The following SYNE2 variants were observed in gnomAD, a reference collection of about 807,000 sequenced individuals.
The protein encoded by SYNE2 is spectrin repeat containing nuclear envelope protein 2.
SYNE2 carries 431 observed loss-of-function variants against 856.3 expected under a neutral mutation model. The observed-to-expected ratio is 0.50, with a 90% CI of 0.47 to 0.55. The LOEUF (loss-of-function observed/expected upper bound fraction) is 0.55. Ranked by LOEUF, SYNE2 falls within the 20% of genes least tolerant of loss-of-function variation. The pLI is 0.00. For synonymous variants in SYNE2, 2,923 were observed against 2,872.3 expected, an observed-to-expected ratio of 1.02 and a Z score of -0.56; for missense variants, 8,129 against 8,023.2, an observed-to-expected ratio of 1.01 and a Z score of -0.50.
At chr14:63,888,479 A>C (rs1385962130) in intron 1 of SYNE2, among the ~76,000 whole-genome samples, 1 of 151,664 alleles carries the variant, frequency 6.6e-6, no homozygotes, top group Non-Finnish European at 1.5e-5. Context: ...CACCATTCCT[A>C]CCCTCCTGGA....
chr14:64,078,662 T>A, intron 55 of SYNE2, 56 bp downstream of exon 55: 1 of 1,599,384 alleles, frequency 6.3e-7, no homozygotes, highest in Non-Finnish European at 8.5e-7. Context: ...CACTCCTGCC[T>A]TGTTCATCAG....
chr14:63,807,819 T>TTATATATATATATATATATATATATA (rs71120288), intron 1 of SYNE2, among the ~76,000 whole-genome samples: 1 of 25,478 alleles, frequency 3.9e-5, no homozygotes, highest in African/African-American at 9.6e-5. Context: ...TACTCCAGGC[T>TTATATATATATATATATATATATATA]TATATATATA....
Position 64,078,527 on chromosome 14 carries a change from T to C in SYNE2, c.11084T>C (p.Ile3695Thr), listed in dbSNP as rs774045803. ...GCAATGAGGAGAAAAATAGAAGAAA[T>C]TAACAATGGGCTTCATAATGTTGAA... ...SYAMRRKIEE[I>T]NNGLHNVEKM... Residue 3695 changes from isoleucine to threonine, a missense_variant, in exon 55 of 116, where the codon ATT becomes ACT. This residue lies in a region of SYNE2 where 5,410 missense variants were observed against 5,284.8 expected (regional missense o/e 1.02). Transcript: ENST00000555002. The C allele has an allele frequency of 5.6e-6, 9 of 1,613,954 alleles. No homozygotes were observed. In the Admixed American group the frequency reaches 1.5e-4, roughly 27 times the overall value.
chr14:63,883,685 C>G (rs2094917325), intron 1 of SYNE2, among the ~76,000 whole-genome samples: 1 of 152,184 alleles, frequency 6.6e-6, no homozygotes, highest in Non-Finnish European at 1.5e-5. Context: ...GAGGAAATGC[C>G]TGTAAATCAA....
chr14:63,889,210 TATA>T (rs1436739234), intron 1 of SYNE2, among the ~76,000 whole-genome samples: 2 of 151,792 alleles, frequency 1.3e-5, no homozygotes, highest in African/African-American at 4.8e-5. Flanking sequence ...CCTCTTTTAT[TATA>T]GTACAAAAAT....
chr14:63,942,448 G>A (rs900527948), intron 6 of SYNE2, among the ~76,000 whole-genome samples: 2 of 152,068 alleles, frequency 1.3e-5, no homozygotes, highest in East Asian at 1.9e-4. Flanking sequence ...CCTCCTGAGT[G>A]GTTGGGACTA....
Position 64,087,846 on chromosome 14 carries a change from G to A in SYNE2, c.11660G>A (p.Arg3887Gln), listed in dbSNP as rs181798411. The A allele has an allele frequency of 2.4e-5, 39 of 1,613,990 alleles. No homozygotes were observed. The highest frequency in any genetic ancestry group is 2.4e-5 in the Non-Finnish European group (28 of 1,179,914). The part of the protein sequence containing the change: ...KIMESLPQIQ[R>Q]MADDVVAIES... ...ATGGAAAGCCTTCCACAGATTCAGCGAATGGCTGATGTAAGTTTGCACCAT... is the reference window on the plus strand; with the variant it reads ...ATGGAAAGCCTTCCACAGATTCAGCAAATGGCTGATGTAAGTTTGCACCAT... The change falls in exon 58 of 116, where the codon CGA (arginine) becomes CAA (glutamine). Residue 3887 changes from arginine to glutamine, a missense_variant. Around this residue, in one of 3 missense-constraint regions of SYNE2, gnomAD observed 5,410 missense variants for 5,284.8 expected, o/e 1.02. Coordinates refer to ENST00000555002, the MANE Select transcript of SYNE2 (RefSeq NM_182914.3).
chr14:64,223,613 T>C (rs977286760), intron 113 of SYNE2, among the ~76,000 whole-genome samples: 14 of 152,028 alleles, frequency 9.2e-5, no homozygotes, highest in Non-Finnish European at 2.9e-5. Context: ...TTTTAAACTT[T>C]TTTTAAAGGA....
chr14:63,937,635 C>T lies in SYNE2; in HGVS notation c.80-2979C>T, dbSNP rs78641245. Reference sequence around the variant, plus strand: ...AAGGGGTTAAGTTGCCATCTGGGGACAGGGAGAGGGCCATATAGTGTGAGA... The same window carrying T: ...AAGGGGTTAAGTTGCCATCTGGGGATAGGGAGAGGGCCATATAGTGTGAGA... On this transcript the variant is annotated intron_variant, in intron 2 of 115. Transcript: ENST00000555002. Among the ~76,000 whole-genome samples, 1,503 of 152,150 alleles carry T rather than the reference C, an allele frequency of 9.9e-3. 26 individuals carry two copies. Among genetic ancestry groups the T allele is most frequent in the African/African-American group, 0.034 (1,420 of 41,490 alleles).
At chr14:64,061,549 C>T (rs1486474977) in intron 49 of SYNE2, among the ~76,000 whole-genome samples, 1 of 152,124 alleles carries the variant, frequency 6.6e-6, no homozygotes, top group Admixed American at 6.6e-5. Flanking sequence ...CAATTTTTGC[C>T]AATCTGATGA....
At position 64,212,688 on chromosome 14, in the gene SYNE2, G is replaced by A; in HGVS notation, c.18862-123G>A. 1.0e-5 allele frequency: 9 copies of A among 878,550 alleles called. No homozygotes were observed. In the South Asian group the frequency reaches 1.1e-4, roughly 11 times the overall value. 54.4% of individuals were successfully genotyped at this position (878,550 alleles called of 1,614,324 possible). A position where few individuals can be genotyped will look rare whatever the true frequency, so the allele number is the denominator to read the frequency against. On this transcript the variant is annotated intron_variant, in intron 104 of 115. Transcript: ENST00000555002. Reference sequence around the variant, plus strand: ...TTAGTTAAAAACTAAAGCTAGAGTAGTAGGTGAAGGAAAACAACAATAATG... The same window carrying A: ...TTAGTTAAAAACTAAAGCTAGAGTAATAGGTGAAGGAAAACAACAATAATG...
chr14:63,935,396 C>G lies in SYNE2; in HGVS notation c.80-5218C>G, dbSNP rs550695800. 5.3e-5 allele frequency among the ~76,000 whole-genome samples: 8 copies of G among 152,254 alleles called. No individual in the cohort carries two copies. The East Asian group carries it at 1.4e-3, about 26-fold the overall frequency. On this transcript the variant is annotated intron_variant, in intron 2 of 115. Coordinates refer to ENST00000555002, the MANE Select transcript of SYNE2 (RefSeq NM_182914.3). Reference sequence around the variant, plus strand: ...TGCATCTTTAATCTCTAATCAGTTGCAATATTTACTAGGCAGTTGGAAACA... The same window carrying G: ...TGCATCTTTAATCTCTAATCAGTTGGAATATTTACTAGGCAGTTGGAAACA...
Position 64,009,967 on chromosome 14 carries a change from C to A in SYNE2, c.4579C>A (p.Leu1527Ile). The change falls in exon 32 of 116, where the codon CTT becomes ATT. Residue 1527 changes from leucine to isoleucine, a missense_variant and splice_region_variant. By Grantham distance (5) the Leu-to-Ile change is conservative. Coordinates refer to ENST00000555002, the MANE Select transcript of SYNE2 (RefSeq NM_182914.3). Reference protein sequence around the residue: ...ENTKALVTECLEQCGRVLELL... With the variant: ...ENTKALVTECIEQCGRVLELL... ...TATTGTATATTTTTCTATTCTTAGT[C>A]TTGAACAATGTGGGAGAGTTTTGGA... 6.2e-7 allele frequency: 1 copy of A among 1,613,288 alleles called. No homozygotes were observed. The highest frequency in any genetic ancestry group is 1.1e-5 in the South Asian group (1 of 91,038).
At chr14:63,944,550 G>A (rs1935045515) in intron 6 of SYNE2, among the ~76,000 whole-genome samples, 1 of 123,450 alleles carries the variant, frequency 8.1e-6, no homozygotes, top group Admixed American at 9.5e-5. Flanking sequence ...TTGAGACAGA[G>A]TCTCGCTCTG....
chr14:63,886,237 AT>A (rs1406910577), intron 1 of SYNE2, among the ~76,000 whole-genome samples: 1 of 152,192 alleles, frequency 6.6e-6, no homozygotes, highest in Non-Finnish European at 1.5e-5. Context: ...TCTGATTACT[AT>A]TCTTGGCCCA....
intron 78 of SYNE2, 112 bp from the exon 79 acceptor site, chr14:64,137,675 T>C: frequency 1.8e-6 from 2 of 1,083,490 alleles, no homozygotes; most frequent in Non-Finnish European, 2.7e-6. Flanking sequence ...GTTGGGAAAG[T>C]GTTACTGTTT....
At chr14:63,948,166 TACACAC>T (rs59063086) in intron 6 of SYNE2, among the ~76,000 whole-genome samples, 66,954 of 147,232 alleles carry the variant, frequency 0.45, 16,240 homozygotes, top group Non-Finnish European at 0.54. Flanking sequence ...GACACACACA[TACACAC>T]ACACACACAC....
At chr14:64,125,543 G>C (rs1392847772) in intron 71 of SYNE2, among the ~76,000 whole-genome samples, 1 of 152,164 alleles carries the variant, frequency 6.6e-6, no homozygotes, top group Admixed American at 6.5e-5. Context: ...ACCCTGAGCA[G>C]ACTTAATACT....
chr14:63,888,201 C>T (rs754830775), intron 1 of SYNE2, among the ~76,000 whole-genome samples: 2 of 152,154 alleles, frequency 1.3e-5, no homozygotes, highest in African/African-American at 2.4e-5. Flanking sequence ...GAATGAGGGC[C>T]CAAACTCGGG....
Sources: allele counts gnomAD v4.1 joint callset (sites outside exome capture counted in the v4.1 genomes callset), GRCh38; gene constraint gnomAD v4.1.1; regional missense constraint gnomAD v4.1.1; transcripts MANE v1.5; gene names NCBI Gene and HGNC (gene_info 2026-07-23, HGNC 2026-07-21).